Variants in USP15 observed in about 807,000 individuals in gnomAD.
USP15 encodes ubiquitin carboxyl-terminal hydrolase 15.
In USP15, 18 loss-of-function variants were observed where a neutral mutation model predicts 127.1. The ratio of observed to expected loss-of-function variants is 0.14; its 90% CI spans 0.10 to 0.21. The LOEUF (loss-of-function observed/expected upper bound fraction) is 0.21. Among genes scored for constraint, USP15 ranks in the 10% least tolerant of loss-of-function variants. The pLI is 1.00. For missense variants in USP15, 805 were observed against 1,159.9 expected, an observed-to-expected ratio of 0.69 and a Z score of 4.44; for synonymous variants, 364 against 393.7, an observed-to-expected ratio of 0.92 and a Z score of 0.89.
Position 62,411,189 on chromosome 12 carries a change from C to T in USP15, c.*6814C>T, listed in dbSNP as rs2068032065. The T allele has an allele frequency of 6.6e-6, 1 of 152,204 alleles. No homozygotes were observed. Among genetic ancestry groups the T allele is most frequent in the Non-Finnish European group, 1.5e-5 (1 of 68,042 alleles). The allele number at this position is 152,204 out of a possible 1,614,324, so 9.4% of individuals were successfully genotyped here. A position where few individuals can be genotyped will look rare whatever the true frequency, so the allele number is the denominator to read the frequency against. Reference sequence around the variant, plus strand: ...ACTTTACAGATGTAGAAGCTGAGGGCTAGAAGGAGAAAAGTCATGTACACA... The same window carrying T: ...ACTTTACAGATGTAGAAGCTGAGGGTTAGAAGGAGAAAAGTCATGTACACA... On this transcript the variant is annotated 3_prime_UTR_variant, in exon 22 of 22. Coordinates refer to ENST00000280377, the MANE Select transcript of USP15 (RefSeq NM_001252078.2).
chr12:62,399,884 A>G (rs2067624627), intron 20 of USP15, among the ~76,000 whole-genome samples: 1 of 152,152 alleles, frequency 6.6e-6, no homozygotes, highest in African/African-American at 2.4e-5. Flanking sequence ...GAGTTTCACC[A>G]AAGATAATGC....
intron 3 of USP15, among the ~76,000 whole-genome samples, chr12:62,306,988 C>T (rs1046563545): frequency 9.9e-5 from 15 of 152,068 alleles, no homozygotes; most frequent in Non-Finnish European, 1.5e-4. Context: ...CTTCTAAGAA[C>T]AGGAGGGCTT....
At chr12:62,366,031 T>G (rs991782956) in intron 8 of USP15, among the ~76,000 whole-genome samples, 1 of 152,248 alleles carries the variant, frequency 6.6e-6, no homozygotes, top group Non-Finnish European at 1.5e-5. Flanking sequence ...GTCTTGGCTA[T>G]GCCGGCTCTT....
At position 62,303,121 on chromosome 12, in the gene USP15, T is replaced by C. The variant is rs2064365721; in HGVS notation, c.348+201T>C. 4 of 489,168 alleles carry C rather than the reference T, an allele frequency of 8.2e-6. No homozygotes were observed. In the South Asian group the frequency reaches 1.0e-4, roughly 13 times the overall value. The allele number at this position is 489,168 out of a possible 1,614,324, so 30.3% of individuals were successfully genotyped here. A position where few individuals can be genotyped will look rare whatever the true frequency, so the allele number is the denominator to read the frequency against. On this transcript the variant is annotated intron_variant, in intron 3 of 21. Transcript: ENST00000280377. ...TAGCCACTATTGTAAGTATGTATTA[T>C]TGATTAATCCTCTATATATAGAGAG...
At chr12:62,375,441 A>G (rs1036391505) in intron 8 of USP15, among the ~76,000 whole-genome samples, 2 of 152,100 alleles carry the variant, frequency 1.3e-5, no homozygotes, top group Admixed American at 6.6e-5. Flanking sequence ...ACAAGTTCCC[A>G]TTCATTCCAC....
At position 62,412,267 on chromosome 12, in the gene USP15, A is replaced by C. The variant is rs1442240518; in HGVS notation, c.*7892A>C. The C allele has an allele frequency of 6.6e-6, 1 of 152,210 alleles. No individual in the cohort carries two copies. Among genetic ancestry groups the C allele is most frequent in the Non-Finnish European group, 1.5e-5 (1 of 68,026 alleles). The allele number at this position is 152,210 out of a possible 1,614,324, so 9.4% of individuals were successfully genotyped here. A position where few individuals can be genotyped will look rare whatever the true frequency, so the allele number is the denominator to read the frequency against. On this transcript the variant is annotated 3_prime_UTR_variant, in exon 22 of 22. Coordinates refer to ENST00000280377, the MANE Select transcript of USP15 (RefSeq NM_001252078.2). ...CCATCAGAGCCTTCAGCAAGTAGTA[A>C]TGTTTTTGCTGATGGACAGTCTTGC...
At chr12:62,294,488 A>G (rs916048169) in intron 2 of USP15, 182 bp downstream of exon 2, 4 of 561,416 alleles carry the variant, frequency 7.1e-6, no homozygotes, top group Non-Finnish European at 1.1e-5. Context: ...ATTATTCTGT[A>G]TGACAAGTTT....
chr12:62,391,452 T>G (rs751605173), intron 16 of USP15, 23 bp downstream of exon 16: 8 of 1,584,644 alleles, frequency 5.0e-6, no homozygotes, highest in Non-Finnish European at 6.8e-6. Context: ...GAAAAATGGC[T>G]TGAACATTAA....
At chr12:62,404,121 G>A (rs1004495410) in intron 21 of USP15, 72 bp from the exon 22 acceptor site, 2 of 1,364,248 alleles carry the variant, frequency 1.5e-6, no homozygotes, top group African/African-American at 1.5e-5. Context: ...TTGGTGACCA[G>A]CTAAAAATTC....
intron 19 of USP15, 21 bp downstream of exon 19, chr12:62,393,223 A>G (rs749725184): frequency 1.8e-5 from 29 of 1,605,248 alleles, no homozygotes; most frequent in Non-Finnish European, 2.4e-5. Flanking sequence ...ATTGTACTTT[A>G]TAAGCATTGG....
In USP15 at chr12:62,313,904, T is replaced by G. The variant is rs571123378; in HGVS notation, c.349-886T>G. ...AGTCCTCTTTTGAATTGATGTAAGC[T>G]TGTGAGTATATCCCAACGGTCATTT... On this transcript the variant is annotated intron_variant, in intron 3 of 21. Coordinates refer to ENST00000280377, the MANE Select transcript of USP15 (RefSeq NM_001252078.2). 29 of 249,264 alleles carry G rather than the reference T, an allele frequency of 1.2e-4. No homozygotes were observed. The South Asian group carries it at 4.1e-3, about 35-fold the overall frequency. 15.4% of individuals were successfully genotyped at this position (249,264 alleles called of 1,614,324 possible). A position where few individuals can be genotyped will look rare whatever the true frequency, so the allele number is the denominator to read the frequency against.
intron 3 of USP15, among the ~76,000 whole-genome samples, chr12:62,313,684 T>C (rs549528377): frequency 5.3e-5 from 8 of 151,920 alleles, no homozygotes; most frequent in South Asian, 4.1e-4. Context: ...GTTTAACATA[T>C]TGGTTTTACA....
At chr12:62,312,056 GT>G (rs2064695130) in intron 3 of USP15, among the ~76,000 whole-genome samples, 1 of 151,720 alleles carries the variant, frequency 6.6e-6, no homozygotes. Flanking sequence ...TCATAGTTTT[GT>G]TGTATTTATC....
In USP15 at chr12:62,367,183, A is replaced by G. The variant is rs554594901; in HGVS notation, c.915+11708A>G. 2.4e-4 allele frequency among the ~76,000 whole-genome samples: 37 copies of G among 152,016 alleles called. No homozygotes were observed. The South Asian group carries it at 7.1e-3, about 29-fold the overall frequency. ...TGGTCCTGGAATGTTTTTGGTAGGT[A>G]GACTATTAATTACTGCCTTGATTTC... is the stretch of plus-strand genomic sequence containing the variant. On this transcript the variant is annotated intron_variant, in intron 8 of 21. Coordinates refer to ENST00000280377, the MANE Select transcript of USP15 (RefSeq NM_001252078.2).
rs1334896248 is a variant in USP15, at chr12:62,409,148, A to G, written c.*4773A>G. 1 of 152,198 alleles carries G rather than the reference A, an allele frequency of 6.6e-6. No individual in the cohort carries two copies. The highest frequency in any genetic ancestry group is 1.5e-5 in the Non-Finnish European group (1 of 68,022). The allele number at this position is 152,198 out of a possible 1,614,324, so 9.4% of individuals were successfully genotyped here. Reference sequence around the variant, plus strand: ...AAAATTATTTTTGGAAAATATATGCATCGGGAAACATACCCCACACGGTGC... The same window carrying G: ...AAAATTATTTTTGGAAAATATATGCGTCGGGAAACATACCCCACACGGTGC... On this transcript the variant is annotated 3_prime_UTR_variant, in exon 22 of 22. Transcript: ENST00000280377.
At chr12:62,318,929 A>G (rs1370924751) in intron 4 of USP15, among the ~76,000 whole-genome samples, 5 of 152,168 alleles carry the variant, frequency 3.3e-5, no homozygotes, top group Non-Finnish European at 2.9e-5. Flanking sequence ...ACCACTTAAC[A>G]CTGCTTCCAT....
intron 2 of USP15, among the ~76,000 whole-genome samples, chr12:62,297,322 C>G (rs2064160338): frequency 6.6e-6 from 1 of 152,080 alleles, no homozygotes; most frequent in African/African-American, 2.4e-5. Context: ...CCCAGTGTTC[C>G]AGTCTTTCAG....
At position 62,406,384 on chromosome 12, in the gene USP15, A is replaced by G. The variant is rs1205196383; in HGVS notation, c.*2009A>G. The G allele has an allele frequency of 6.6e-6, 1 of 152,146 alleles. No homozygotes were observed. The highest frequency in any genetic ancestry group is 1.5e-5 in the Non-Finnish European group (1 of 68,020). 9.4% of individuals were successfully genotyped at this position (152,146 alleles called of 1,614,324 possible). A position where few individuals can be genotyped will look rare whatever the true frequency, so the allele number is the denominator to read the frequency against. The stretch of plus-strand genomic sequence containing the variant: ...TAAACAAATATCCTTACCTTCACAG[A>G]GCTTACATTCTTTCTGCCATCTACC... On this transcript the variant is annotated 3_prime_UTR_variant, in exon 22 of 22. Coordinates refer to ENST00000280377, the MANE Select transcript of USP15 (RefSeq NM_001252078.2).
At chr12:62,333,451 TTTTG>T (rs747374475) in intron 6 of USP15, among the ~76,000 whole-genome samples, 66 of 152,098 alleles carry the variant, frequency 4.3e-4, no homozygotes, top group East Asian at 1.6e-3. Context: ...TTTTTTGTTC[TTTTG>T]TTTGTTTGTT....
Sources: gnomAD v4.1 joint callset for allele counts (sites outside exome capture counted in the v4.1 genomes callset) on GRCh38, gnomAD v4.1.1 for gene constraint, MANE v1.5 for transcripts, NCBI Gene and HGNC (gene_info 2026-07-23, HGNC 2026-07-21) for gene names.